PDE7B: variants seen among roughly 807,000 people sequenced by gnomAD.
PDE7B encodes the protein phosphodiesterase 7B, also known as 3',5'-cyclic-AMP phosphodiesterase 7B.
A neutral mutation model predicts 56.2 loss-of-function variants in PDE7B; 29 were observed. The observed-to-expected ratio is 0.52, with a 90% CI of 0.38 to 0.70. PDE7B has a LOEUF of 0.70. Ranked by LOEUF, PDE7B falls within the 30% of genes least tolerant of loss-of-function variation. The pLI is 0.00. For synonymous variants in PDE7B, 197 were observed against 196.9 expected (o/e 1.00, Z 0.00); for missense variants, 490 against 565.0 (o/e 0.87, Z 1.35).
chr6:136,111,368 G>T (rs1217639721), intron 3 of PDE7B, among the ~76,000 whole-genome samples: 1 of 152,038 alleles, frequency 6.6e-6, no homozygotes, highest in Non-Finnish European at 1.5e-5. Flanking sequence ...ATCATCCCCT[G>T]TGTTTAACTG....
At chr6:136,042,458 G>C (rs1776429130) in intron 2 of PDE7B, among the ~76,000 whole-genome samples, 1 of 152,136 alleles carries the variant, frequency 6.6e-6, no homozygotes, top group Non-Finnish European at 1.5e-5. Flanking sequence ...GGTGTCTCTG[G>C]TCTAAATTTT....
At chr6:135,877,043 A>G (rs1249156850) in intron 1 of PDE7B, among the ~76,000 whole-genome samples, 1 of 151,580 alleles carries the variant, frequency 6.6e-6, no homozygotes, top group Non-Finnish European at 1.5e-5. Context: ...ATTACCATAT[A>G]TCTCATTTCT....
intron 2 of PDE7B, among the ~76,000 whole-genome samples, chr6:136,080,783 T>C (rs1264359181): frequency 6.6e-6 from 1 of 152,164 alleles, no homozygotes; most frequent in Non-Finnish European, 1.5e-5. Flanking sequence ...TTGACAAGCA[T>C]TAATAAGAAA....
At chr6:136,072,448 C>T (rs977760917) in intron 2 of PDE7B, 11 of 152,360 alleles carry the variant, frequency 7.2e-5, no homozygotes, top group African/African-American at 2.2e-4. Flanking sequence ...CCCTGGCCTA[C>T]TAAAGTGCTG....
intron 2 of PDE7B, among the ~76,000 whole-genome samples, chr6:136,078,893 C>T (rs971688402): frequency 6.6e-6 from 1 of 152,018 alleles, no homozygotes; most frequent in African/African-American, 2.4e-5. Context: ...AAAAGTAGCC[C>T]AAATTCTGTC....
At chr6:136,073,012 G>A (rs1015685820) in intron 2 of PDE7B, among the ~76,000 whole-genome samples, 2 of 152,142 alleles carry the variant, frequency 1.3e-5, no homozygotes, top group Non-Finnish European at 2.9e-5. Flanking sequence ...AGAAACCCCA[G>A]GGAGTTGTGT....
intron 2 of PDE7B, among the ~76,000 whole-genome samples, chr6:136,055,834 C>A (rs2128211889): frequency 6.6e-6 from 1 of 152,204 alleles, no homozygotes; most frequent in Non-Finnish European, 1.5e-5. Context: ...TCTAAAGGAA[C>A]CAGATTAACA....
intron 1 of PDE7B, among the ~76,000 whole-genome samples, chr6:135,856,403 A>G (rs1401988797): frequency 3.9e-5 from 6 of 152,230 alleles, no homozygotes; most frequent in African/African-American, 1.4e-4. Context: ...GATTTTCTAT[A>G]TTACTTCACT....
chr6:135,882,940 A>G (rs1717389615), intron 1 of PDE7B, among the ~76,000 whole-genome samples: 2 of 152,214 alleles, frequency 1.3e-5, no homozygotes, highest in African/African-American at 4.8e-5. Flanking sequence ...GGTACAAAAG[A>G]GAACAAATAT....
At chr6:136,068,028 C>A (rs1776975231) in intron 2 of PDE7B, among the ~76,000 whole-genome samples, 1 of 152,084 alleles carries the variant, frequency 6.6e-6, no homozygotes, top group Non-Finnish European at 1.5e-5. Flanking sequence ...TGTTTTAATC[C>A]CCCAAACAGT....
rs796628276 is a variant in PDE7B at position 136,107,356 on chromosome 6, CATT to C, written c.83-1372_83-1370del. ...CCCTGATTCAGTTCTTCCAGAGATA[CATT>C]ATGTCTCACATATTTCTACCTCTCC... On this transcript the variant is annotated intron_variant, in intron 2 of 12. Transcript: ENST00000308191. 3.4e-4 allele frequency among the ~76,000 whole-genome samples: 52 copies of C among 152,306 alleles called. 2 individuals carry two copies. The highest frequency in any genetic ancestry group is 1.2e-3 in the African/African-American group (51 of 41,574).
intron 2 of PDE7B, among the ~76,000 whole-genome samples, chr6:135,961,271 G>GTGTGTGTA (rs1554269779): frequency 1.4e-5 from 2 of 142,010 alleles, no homozygotes; most frequent in African/African-American, 5.7e-5. Flanking sequence ...GTGTGTGTGT[G>GTGTGTGTA]TGTGTGTGTA....
In PDE7B at chr6:136,183,945, C is replaced by G. The variant is rs74658165; in HGVS notation, c.1045+2622C>G. Among the ~76,000 whole-genome samples the G allele has an allele frequency of 5.2e-4, 79 of 152,268 alleles. No individual in the cohort carries two copies. The East Asian group carries it at 0.014, about 27-fold the overall frequency. ...TTCATTCTCAGAACAGAGATTAGGA[C>G]TCCAAATACCATATATCTCCCTCCT... On this transcript the variant is annotated intron_variant, in intron 11 of 12. Transcript: ENST00000308191.
chr6:135,854,717 TC>T (rs1774994503), intron 1 of PDE7B, among the ~76,000 whole-genome samples: 1 of 152,158 alleles, frequency 6.6e-6, no homozygotes, highest in South Asian at 2.1e-4. Context: ...TCTAAAGACA[TC>T]CTCAGTGGCT....
At chr6:136,086,917 C>T (rs1408357887) in intron 2 of PDE7B, among the ~76,000 whole-genome samples, 3 of 152,150 alleles carry the variant, frequency 2.0e-5, no homozygotes, top group Non-Finnish European at 4.4e-5. Context: ...CCAGAACGTG[C>T]CAATCACCAC....
intron 1 of PDE7B, among the ~76,000 whole-genome samples, chr6:135,866,765 T>C (rs1258508026): frequency 6.6e-6 from 1 of 152,154 alleles, no homozygotes; most frequent in Non-Finnish European, 1.5e-5. Context: ...AGAATGAAAA[T>C]GATAGTGCAT....
chr6:136,070,858 G>C (rs903284547), intron 2 of PDE7B, among the ~76,000 whole-genome samples: 5 of 152,082 alleles, frequency 3.3e-5, no homozygotes, highest in African/African-American at 1.2e-4. Flanking sequence ...TTGGGCTTAC[G>C]TAGGAACCAA....
chr6:136,031,847 T>A (rs1266683313), intron 2 of PDE7B, among the ~76,000 whole-genome samples: 2 of 152,230 alleles, frequency 1.3e-5, no homozygotes, highest in East Asian at 3.8e-4. Flanking sequence ...TGGTCTAGTT[T>A]ATTTTTATTA....
At chr6:136,037,620 T>C (rs746426868) in intron 2 of PDE7B, 15 of 985,300 alleles carry the variant, frequency 1.5e-5, no homozygotes, top group East Asian at 1.1e-4. Flanking sequence ...CTCTGTTTTT[T>C]TGAGAACTCC....
Sources: gnomAD v4.1 joint callset for allele counts (sites outside exome capture counted in the v4.1 genomes callset) on GRCh38, gnomAD v4.1.1 for gene constraint, MANE v1.5 for transcripts, NCBI Gene and HGNC (gene_info 2026-07-23, HGNC 2026-07-21) for gene names.